The following SDK1 variants were observed in gnomAD, a reference collection of about 807,000 sequenced individuals.
SDK1 encodes the protein sidekick cell adhesion molecule 1.
In SDK1, 157 loss-of-function variants were observed where a neutral mutation model predicts 245.5. The observed-to-expected ratio is 0.64, with a 90% CI of 0.56 to 0.73. The LOEUF (loss-of-function observed/expected upper bound fraction) is 0.73, where lower values mean the gene tolerates loss of function less well. Among genes scored for constraint, SDK1 ranks in the 30% least tolerant of loss-of-function variants. The pLI is 0.00. For synonymous variants in SDK1, 1,647 were observed against 1,278.5 expected, an observed-to-expected ratio of 1.29 and a Z score of -6.15; for missense variants, 3,583 against 3,002.3, an observed-to-expected ratio of 1.19 and a Z score of -4.52.
intron 1 of SDK1, among the ~76,000 whole-genome samples, chr7:3,481,986 C>T (rs1421196180): frequency 6.6e-6 from 1 of 151,520 alleles, no homozygotes; most frequent in Non-Finnish European, 1.5e-5. Context: ...AAAAGCAAAG[C>T]TTGAAAAAAA....
intron 29 of SDK1, among the ~76,000 whole-genome samples, chr7:4,147,601 T>G (rs1348456076): frequency 6.6e-6 from 1 of 152,100 alleles, no homozygotes; most frequent in Non-Finnish European, 1.5e-5. Flanking sequence ...ACATCCCCTC[T>G]GTGACCATTA....
At chr7:3,405,814 C>CTTTTTTTT (rs534692477) in intron 1 of SDK1, among the ~76,000 whole-genome samples, 6 of 125,360 alleles carry the variant, frequency 4.8e-5, no homozygotes, top group African/African-American at 9.2e-5. Flanking sequence ...TTCTTTCTTT[C>CTTTTTTTT]TTTTTTTTTT....
At chr7:3,964,291 C>T (rs750573072) in intron 9 of SDK1, among the ~76,000 whole-genome samples, 2 of 152,190 alleles carry the variant, frequency 1.3e-5, no homozygotes, top group Non-Finnish European at 2.9e-5. Flanking sequence ...AGACGGCTGT[C>T]ACTCCCCGGC....
chr7:4,113,136 T>C (rs1484089496), intron 23 of SDK1, among the ~76,000 whole-genome samples, 153 bp from the exon 24 acceptor site: 2 of 152,140 alleles, frequency 1.3e-5, no homozygotes, highest in African/African-American at 4.8e-5. Context: ...TGAAACCAGG[T>C]GAAAAGAGGG....
intron 4 of SDK1, among the ~76,000 whole-genome samples, chr7:3,663,708 T>C (rs988525395): frequency 1.3e-5 from 2 of 152,232 alleles, no homozygotes; most frequent in African/African-American, 4.8e-5. Flanking sequence ...CCTACTTGTT[T>C]ATAGCTACTG....
At chr7:4,074,647 T>C (rs1395674785) in intron 20 of SDK1, among the ~76,000 whole-genome samples, 3 of 151,700 alleles carry the variant, frequency 2.0e-5, no homozygotes, top group African/African-American at 7.3e-5. Context: ...GATCGCTTGA[T>C]ACCAGGAGTT....
At chr7:4,219,427 T>C (rs1487404517) in intron 38 of SDK1, among the ~76,000 whole-genome samples, 1 of 152,176 alleles carries the variant, frequency 6.6e-6, no homozygotes, top group Non-Finnish European at 1.5e-5. Flanking sequence ...ACAATCATAG[T>C]GGAAGGCAAA....
chr7:3,812,497 T>A (rs1779409927), intron 4 of SDK1, among the ~76,000 whole-genome samples: 1 of 152,210 alleles, frequency 6.6e-6, no homozygotes, highest in Admixed American at 6.5e-5. Flanking sequence ...AAGAGTTGGA[T>A]AGAAGGTGAA....
At chr7:3,692,172 C>T (rs1398407339) in intron 4 of SDK1, among the ~76,000 whole-genome samples, 3 of 151,908 alleles carry the variant, frequency 2.0e-5, no homozygotes, top group African/African-American at 7.3e-5. Flanking sequence ...TTCAGAGACC[C>T]AACATAATTT....
intron 38 of SDK1, among the ~76,000 whole-genome samples, chr7:4,214,128 A>G (rs1345700365): frequency 1.3e-5 from 2 of 152,096 alleles, no homozygotes; most frequent in African/African-American, 4.8e-5. Context: ...CGTTTTGAAA[A>G]TAATGACGAG....
chr7:3,329,785 A>AC (rs1326633625), intron 1 of SDK1, among the ~76,000 whole-genome samples: 1 of 152,228 alleles, frequency 6.6e-6, no homozygotes, highest in African/African-American at 2.4e-5. Flanking sequence ...TCTGTACTGA[A>AC]CATATGCACA....
At chr7:3,789,759 A>G (rs1781021746) in intron 4 of SDK1, among the ~76,000 whole-genome samples, 1 of 152,180 alleles carries the variant, frequency 6.6e-6, no homozygotes, top group South Asian at 2.1e-4. Flanking sequence ...AGGCAGCAGG[A>G]GGCTGTAGAT....
intron 4 of SDK1, among the ~76,000 whole-genome samples, chr7:3,648,204 G>A (rs1221234826): frequency 1.3e-5 from 2 of 152,080 alleles, no homozygotes; most frequent in Non-Finnish European, 2.9e-5. Flanking sequence ...AATATGAAAT[G>A]TGAATATCGA....
intron 5 of SDK1, among the ~76,000 whole-genome samples, chr7:3,846,699 C>A (rs1165647799): frequency 6.6e-6 from 1 of 152,218 alleles, no homozygotes; most frequent in Non-Finnish European, 1.5e-5. Context: ...ATCTTTTCCA[C>A]AAGCTTGGCT....
At chr7:3,582,289 TCTCAGGTAGGTCTCC>T (rs1562579758) in intron 1 of SDK1, among the ~76,000 whole-genome samples, 12 of 141,252 alleles carry the variant, frequency 8.5e-5, no homozygotes, top group East Asian at 6.4e-4. Context: ...GGTAGGTCTG[TCTCAGGTAGGTCTCC>T]CTCAGGTAGG....
intron 4 of SDK1, among the ~76,000 whole-genome samples, chr7:3,755,796 G>A (rs1012792070): frequency 7.9e-5 from 12 of 151,542 alleles, no homozygotes; most frequent in African/African-American, 2.7e-4. Context: ...GTCCCTTCAC[G>A]TGGTATAGTG....
intron 1 of SDK1, among the ~76,000 whole-genome samples, chr7:3,502,825 C>G (rs116058884): frequency 1.3e-5 from 2 of 152,204 alleles, no homozygotes; most frequent in East Asian, 1.9e-4. Context: ...TCAGCTTCAG[C>G]TTTTGATTTT....
chr7:3,501,870 C>G (rs1782225997), intron 1 of SDK1, among the ~76,000 whole-genome samples: 1 of 152,054 alleles, frequency 6.6e-6, no homozygotes, highest in Admixed American at 6.5e-5. Flanking sequence ...ATTATGAGCT[C>G]TTGTTGATTT....
At chr7:3,915,081 CTG>C (rs745837686) in intron 5 of SDK1, among the ~76,000 whole-genome samples, 2 of 152,200 alleles carry the variant, frequency 1.3e-5, no homozygotes, top group Non-Finnish European at 2.9e-5. Context: ...GCCGTGGAAT[CTG>C]AGAGCTTTCA....
Sources: allele counts gnomAD v4.1 joint callset (sites outside exome capture counted in the v4.1 genomes callset), GRCh38; gene constraint gnomAD v4.1.1; transcripts MANE v1.5; gene names NCBI Gene and HGNC (gene_info 2026-07-23, HGNC 2026-07-21).